FAT1: variants seen among roughly 807,000 people sequenced by gnomAD.
FAT1 encodes the protein protocadherin Fat 1.
In FAT1, 171 loss-of-function variants were observed where a neutral mutation model predicts 329.8. The observed-to-expected ratio is 0.52, with a 90% CI of 0.46 to 0.59. The LOEUF (loss-of-function observed/expected upper bound fraction) is 0.59. Among genes scored for constraint, FAT1 ranks in the 20% least tolerant of loss-of-function variants. The pLI is 0.00. For synonymous variants in FAT1, 2,233 were observed against 2,228.6 expected, an observed-to-expected ratio of 1.00 and a Z score of -0.06; for missense variants, 5,672 against 5,774.4, an observed-to-expected ratio of 0.98 and a Z score of 0.57.
At chr4:186,662,126 C>T (rs1378808164) in intron 3 of FAT1, among the ~76,000 whole-genome samples, 1 of 150,474 alleles carries the variant, frequency 6.6e-6, no homozygotes, top group African/African-American at 2.4e-5. Flanking sequence ...TTTTTGTTCA[C>T]ACTCACATTG....
In FAT1 at chr4:186,706,948, A is replaced by G. The variant is rs879877816; in HGVS notation, c.2880T>C (p.Gly960=). Residue 960 remains glycine, a synonymous_variant, in exon 2 of 27, where the codon GGT becomes GGC. Transcript: ENST00000441802. ...EAHDPDLGQS[G]QVRYSLLDHG... ...GGTCCAGAAGGCTGTATCTCACCTG[A>G]CCAGACTGACCTAAATCAGGATCGT... is the stretch of plus-strand genomic sequence containing the variant. The G allele has an allele frequency of 6.2e-7, 1 of 1,613,854 alleles. No individual in the cohort carries two copies. The highest frequency in any genetic ancestry group is 1.7e-5 in the Admixed American group (1 of 60,002).
rs1740811436 is a variant in FAT1 at position 186,636,233 on chromosome 4, A to T, written c.3975T>A (p.Ile1325=). Residue 1325 remains isoleucine, a splice_region_variant and synonymous_variant, in exon 6 of 27, where the codon ATT becomes ATA. Transcript: ENST00000441802. ...SAAGEYDILS[I]KAVDNGRPQK... is the part of the protein sequence containing the mutation. ...GAGGGCGACCATTGTCAACTGCCTTAATCTACAACATTTGGGCAGAGGGGA... is the reference window on the plus strand; with the variant it reads ...GAGGGCGACCATTGTCAACTGCCTTTATCTACAACATTTGGGCAGAGGGGA... The T allele has an allele frequency of 1.2e-5, 19 of 1,613,816 alleles. No individual in the cohort carries two copies. Among genetic ancestry groups the T allele is most frequent in the Non-Finnish European group, 1.6e-5 (19 of 1,179,722 alleles).
In FAT1 at chr4:186,663,543, G is replaced by A. The variant is rs779141601; in HGVS notation, c.3336C>T (p.Thr1112=). Residue 1112 remains threonine (T), a synonymous_variant, in exon 3 of 27, where the codon ACC becomes ACT. Coordinates refer to ENST00000441802, the MANE Select transcript of FAT1 (RefSeq NM_005245.4). ...TSHYWLTVFA[T]DQGVVPLSSF... ...ATGAAAGAGGCACGACACCCTGATC[G>A]GTTGCAAAGACTGTTAGCCAATAAT... 2.0e-5 allele frequency: 32 copies of A among 1,613,544 alleles called. No individual in the cohort carries two copies. Among genetic ancestry groups the A allele is most frequent in the Admixed American group, 8.3e-5 (5 of 60,006 alleles).
At chr4:186,622,361 T>C (rs1579339519) in intron 9 of FAT1, among the ~76,000 whole-genome samples, 1 of 152,352 alleles carries the variant, frequency 6.6e-6, no homozygotes, top group Admixed American at 6.5e-5. Flanking sequence ...GGTCAGTGGT[T>C]TTCCCCTGGG....
At position 186,662,247 on chromosome 4, in the gene FAT1, A is replaced by G. The variant is rs553564553; in HGVS notation, c.3580+1052T>C. On this transcript the variant is annotated intron_variant, in intron 3 of 26. Coordinates refer to ENST00000441802, the MANE Select transcript of FAT1 (RefSeq NM_005245.4). ...AAATTCATCCTCACAATTCTTATAT[A>G]CCTCTGACTTTTCTCTTATGTTTGA... is the stretch of plus-strand genomic sequence containing the variant. Among the ~76,000 whole-genome samples the G allele has an allele frequency of 9.9e-5, 15 of 151,142 alleles. No individual in the cohort carries two copies. The East Asian group carries it at 2.7e-3, about 27-fold the overall frequency.
chr4:186,613,548 A>G (rs1012978600), intron 12 of FAT1, among the ~76,000 whole-genome samples: 1 of 152,240 alleles, frequency 6.6e-6, no homozygotes, highest in Non-Finnish European at 1.5e-5. Context: ...TAGCTCTTTA[A>G]GTCCTGCAGG....
Position 186,618,042 on chromosome 4 carries a change from C to T in FAT1, c.8544G>A (p.Leu2848=), listed in dbSNP as rs374692340. Residue 2848 remains leucine (L), a synonymous_variant, in exon 10 of 27, where the codon CTG becomes CTA. Transcript: ENST00000441802. ...SGTNGQVMYS[L]DQSQSVEVIE... ...TGACTTCCACACTTTGTGACTGATCCAGGCTATACATAACTTGGCCGTTGG... is the reference window on the plus strand; with the variant it reads ...TGACTTCCACACTTTGTGACTGATCTAGGCTATACATAACTTGGCCGTTGG... 16 of 1,613,992 alleles carry T rather than the reference C, an allele frequency of 9.9e-6. No homozygotes were observed. Among genetic ancestry groups the T allele is most frequent in the Non-Finnish European group, 1.4e-5 (16 of 1,179,898 alleles).
intron 2 of FAT1, among the ~76,000 whole-genome samples, chr4:186,666,403 T>A (rs1742441285): frequency 6.6e-6 from 1 of 152,186 alleles, no homozygotes; most frequent in Non-Finnish European, 1.5e-5. Flanking sequence ...TTCCTCTGAT[T>A]CATCACATCT....
In FAT1 at chr4:186,709,158, C is replaced by T. The variant is rs765758588; in HGVS notation, c.670G>A (p.Ala224Thr). Residue 224 changes from alanine (A) to threonine (T), a missense_variant, in exon 2 of 27, where the codon GCT (alanine) becomes ACT (threonine). Physicochemically the swap from Ala to Thr is moderately conservative, Grantham distance 58. Around this residue, in one of 2 missense-constraint regions of FAT1, gnomAD observed 3,966 missense variants for 3,915.2 expected, o/e 1.01. Transcript: ENST00000441802. ...ETKLYEMEIL[A>T]ADRGMKLYGS... ...TACAACTTCATGCCACGGTCCGCAG[C>T]GAGGATTTCCATCTCATAGAGCTTG... 34 of 1,613,966 alleles carry T rather than the reference C, an allele frequency of 2.1e-5. No individual in the cohort carries two copies. The highest frequency in any genetic ancestry group is 4.5e-5 in the East Asian group (2 of 44,874).
At chr4:186,695,992 T>C (rs941809258) in intron 2 of FAT1, among the ~76,000 whole-genome samples, 2 of 152,190 alleles carry the variant, frequency 1.3e-5, no homozygotes, top group African/African-American at 2.4e-5. Context: ...GGTTTCACCA[T>C]GTTGGCCAGG....
At position 186,597,936 on chromosome 4, in the gene FAT1, A is replaced by G. The variant is rs376155526; in HGVS notation, c.12257+36T>C. ...ATTATATGTTTAAGAATTTTATACTACAATTGATTATGAAAGTTAAGAAAA... is the reference window on the plus strand; with the variant it reads ...ATTATATGTTTAAGAATTTTATACTGCAATTGATTATGAAAGTTAAGAAAA... On this transcript the variant is annotated intron_variant, in intron 23 of 26. Coordinates refer to ENST00000441802, the MANE Select transcript of FAT1 (RefSeq NM_005245.4). 13 of 1,585,000 alleles carry G rather than the reference A, an allele frequency of 8.2e-6. No individual in the cohort carries two copies. The African/African-American group carries it at 1.2e-4, about 15-fold the overall frequency.
chr4:186,679,758 G>T (rs1455562020), intron 2 of FAT1, among the ~76,000 whole-genome samples: 1 of 152,126 alleles, frequency 6.6e-6, no homozygotes, highest in Admixed American at 6.5e-5. Context: ...AAATGACTTT[G>T]TGCTAAACTC....
At chr4:186,604,008 G>T in intron 18 of FAT1, 31 bp from the exon 19 acceptor site, 1 of 1,521,586 alleles carries the variant, frequency 6.6e-7, no homozygotes, top group Non-Finnish European at 9.1e-7. Flanking sequence ...AATCACCTTT[G>T]TCTATGGCAC....
At chr4:186,647,226 C>T (rs1741424674) in intron 3 of FAT1, among the ~76,000 whole-genome samples, 3 of 152,192 alleles carry the variant, frequency 2.0e-5, no homozygotes, top group Admixed American at 1.3e-4. Flanking sequence ...TCTCACAGTT[C>T]GCTTTTTAGC....
At position 186,590,682 on chromosome 4, in the gene FAT1, C is replaced by G. The variant is rs1323031550; in HGVS notation, c.13139-1462G>C. 2.0e-5 allele frequency: 9 copies of G among 456,018 alleles called. No homozygotes were observed. The East Asian group carries it at 5.6e-4, about 28-fold the overall frequency. 28.2% of individuals were successfully genotyped at this position (456,018 alleles called of 1,614,324 possible). On this transcript the variant is annotated intron_variant, in intron 26 of 26. Coordinates refer to ENST00000441802, the MANE Select transcript of FAT1 (RefSeq NM_005245.4). ...AAATATTACTTTCTTTTCCTTGTTT[C>G]TGACAATCACAGCCTGAAAACACAG...
intron 1 of FAT1, among the ~76,000 whole-genome samples, chr4:186,712,703 G>C (rs1745015713): frequency 6.6e-6 from 1 of 152,164 alleles, no homozygotes; most frequent in South Asian, 2.1e-4. Flanking sequence ...TGACATGCTG[G>C]GCAACTCTTA....
intron 7 of FAT1, among the ~76,000 whole-genome samples, chr4:186,630,907 T>G (rs909016450): frequency 2.6e-5 from 4 of 152,116 alleles, no homozygotes; most frequent in Admixed American, 2.0e-4. Context: ...AAAAGGTAAC[T>G]GGATTTGGTA....
At chr4:186,648,002 A>G (rs1159089308) in intron 3 of FAT1, among the ~76,000 whole-genome samples, 1 of 152,196 alleles carries the variant, frequency 6.6e-6, no homozygotes, top group African/African-American at 2.4e-5. Context: ...CTGTTTGGGT[A>G]ACTTTTAGAC....
chr4:186,589,277 G>A (rs988978905), intron 26 of FAT1, 57 bp from the exon 27 acceptor site: 1 of 1,520,540 alleles, frequency 6.6e-7, no homozygotes, highest in Non-Finnish European at 8.8e-7. Flanking sequence ...TTGTGCCATG[G>A]AAAGAGAGCT....
Sources: gnomAD v4.1 joint callset for allele counts (sites outside exome capture counted in the v4.1 genomes callset) on GRCh38, gnomAD v4.1.1 for gene constraint, gnomAD v4.1.1 regional missense constraint, MANE v1.5 for transcripts, NCBI Gene and HGNC (gene_info 2026-07-23, HGNC 2026-07-21) for gene names.